The following RBMS3 variants were observed in gnomAD, a reference collection of about 807,000 sequenced individuals.
RBMS3 encodes RNA-binding motif, single-stranded-interacting protein 3.
In RBMS3, 27 loss-of-function variants were observed where a neutral mutation model predicts 66.8. The ratio of observed to expected loss-of-function variants is 0.40; its 90% CI spans 0.30 to 0.56. The LOEUF is 0.56. Among genes scored for constraint, RBMS3 ranks in the 20% least tolerant of loss-of-function variants. The probability of loss-of-function intolerance (pLI) is 0.40; values close to 1 mark genes in which losing one functional copy is unlikely to be tolerated. For missense variants in RBMS3, 513 were observed against 549.5 expected (o/e 0.93, Z 0.66); for synonymous variants, 188 against 183.0 (o/e 1.03, Z -0.22).
chr3:29,851,812 C>T (rs1576993997), intron 6 of RBMS3, among the ~76,000 whole-genome samples: 1 of 152,102 alleles, frequency 6.6e-6, no homozygotes, highest in African/African-American at 2.4e-5. Context: ...CTGTGAGGAA[C>T]AGAACTAGAA....
At chr3:29,555,307 C>A (rs1465227840) in intron 3 of RBMS3, among the ~76,000 whole-genome samples, 1 of 152,154 alleles carries the variant, frequency 6.6e-6, no homozygotes, top group Non-Finnish European at 1.5e-5. Context: ...AAGTCCTTCA[C>A]TATGTGACAT....
chr3:29,284,856 AT>A (rs1156446161), intron 1 of RBMS3, among the ~76,000 whole-genome samples: 1 of 65,178 alleles, frequency 1.5e-5, no homozygotes, highest in Admixed American at 1.8e-4. Context: ...TTTTTGATGA[AT>A]TTTTCTTTTT....
intron 12 of RBMS3, among the ~76,000 whole-genome samples, chr3:29,985,876 A>T (rs1698352849): frequency 6.6e-6 from 1 of 152,204 alleles, no homozygotes; most frequent in African/African-American, 2.4e-5. Context: ...AAATAATGGA[A>T]TAGATACTCA....
chr3:29,456,161 T>G (rs1362912173), intron 2 of RBMS3, among the ~76,000 whole-genome samples: 2 of 152,224 alleles, frequency 1.3e-5, no homozygotes, highest in African/African-American at 4.8e-5. Context: ...GAAATAGGCT[T>G]AGTTTCTGTG....
chr3:29,505,517 T>G (rs1202493503), intron 3 of RBMS3, among the ~76,000 whole-genome samples: 6 of 118,368 alleles, frequency 5.1e-5, no homozygotes, highest in African/African-American at 2.0e-4. Context: ...TTTTTTTTTT[T>G]TGTTGTTTGT....
chr3:29,930,084 T>TACTTTGTG (rs2061068905), intron 10 of RBMS3, among the ~76,000 whole-genome samples: 1 of 148,380 alleles, frequency 6.7e-6, no homozygotes, highest in Non-Finnish European at 1.5e-5. Flanking sequence ...TGTAGATGAA[T>TACTTTGTG]ACTTTGTGTC....
chr3:29,345,786 C>A (rs13090916), intron 1 of RBMS3, among the ~76,000 whole-genome samples: 2 of 151,860 alleles, frequency 1.3e-5, no homozygotes, highest in African/African-American at 4.8e-5. Flanking sequence ...ATTGAAGTCC[C>A]GACACAGATG....
intron 1 of RBMS3, among the ~76,000 whole-genome samples, chr3:29,332,202 C>T (rs1381904040): frequency 6.6e-6 from 1 of 152,120 alleles, no homozygotes; most frequent in Non-Finnish European, 1.5e-5. Context: ...AAATTTAATA[C>T]ATTTTCTATC....
chr3:29,962,793 A>G (rs1577260567), intron 12 of RBMS3, among the ~76,000 whole-genome samples: 1 of 152,058 alleles, frequency 6.6e-6, no homozygotes, highest in South Asian at 2.1e-4. Flanking sequence ...AAATCTCTCA[A>G]CTGAGGCCCA....
chr3:29,440,018 C>G (rs2041556111), intron 2 of RBMS3, among the ~76,000 whole-genome samples: 1 of 152,042 alleles, frequency 6.6e-6, no homozygotes, highest in Non-Finnish European at 1.5e-5. Flanking sequence ...AGCATTGTAA[C>G]TTTTTTGAGC....
chr3:29,378,881 T>A (rs1342068096), intron 1 of RBMS3, among the ~76,000 whole-genome samples: 1 of 152,206 alleles, frequency 6.6e-6, no homozygotes, highest in African/African-American at 2.4e-5. Context: ...CATATGGGAA[T>A]ATACTTAATT....
At chr3:29,591,830 T>C (rs2047749344) in intron 4 of RBMS3, among the ~76,000 whole-genome samples, 1 of 152,146 alleles carries the variant, frequency 6.6e-6, no homozygotes, top group Non-Finnish European at 1.5e-5. Flanking sequence ...TCACTCCCTC[T>C]CAGGGCCTTC....
intron 7 of RBMS3, among the ~76,000 whole-genome samples, chr3:29,877,783 AG>A (rs1332216738): frequency 6.6e-6 from 1 of 152,168 alleles, no homozygotes; most frequent in South Asian, 2.1e-4. Context: ...ACTCTTATGA[AG>A]GTCAGAAGGT....
chr3:29,791,544 T>C (rs920591950), intron 6 of RBMS3, among the ~76,000 whole-genome samples: 6 of 152,216 alleles, frequency 3.9e-5, no homozygotes, highest in African/African-American at 1.4e-4. Flanking sequence ...TTTTGAAAGA[T>C]GGCTTTGAAC....
At chr3:29,626,372 A>G (rs542558618) in intron 4 of RBMS3, among the ~76,000 whole-genome samples, 1 of 152,338 alleles carries the variant, frequency 6.6e-6, no homozygotes, top group East Asian at 1.9e-4. Context: ...GATTGAAAGT[A>G]AAAGCCTATG....
intron 14 of RBMS3, among the ~76,000 whole-genome samples, chr3:29,993,328 T>C (rs564928601): frequency 4.7e-5 from 7 of 149,950 alleles, no homozygotes; most frequent in South Asian, 2.1e-4. Context: ...GGTCAACGGG[T>C]TATATGTGGG....
In RBMS3 at chr3:29,963,857, G is replaced by T. The variant is rs375854974; in HGVS notation, c.1098+19603G>T. Among the ~76,000 whole-genome samples the T allele has an allele frequency of 1.1e-4, 16 of 149,556 alleles. No individual in the cohort carries two copies. The East Asian group carries it at 1.8e-3, about 16-fold the overall frequency. On this transcript the variant is annotated intron_variant, in intron 12 of 14. Transcript: ENST00000383767. ...AAAAAAAAAAAAAAGTGTATTAAAG[G>T]CTGAGTACATAAAGGAAGAAAATGG...
chr3:29,630,884 T>C (rs376465657), intron 4 of RBMS3, among the ~76,000 whole-genome samples: 2 of 151,970 alleles, frequency 1.3e-5, no homozygotes, highest in African/African-American at 4.8e-5. Context: ...ATGGGAATAT[T>C]AGAATTTGGT....
chr3:29,854,643 G>T (rs2059026247), intron 6 of RBMS3, among the ~76,000 whole-genome samples: 1 of 81,878 alleles, frequency 1.2e-5, no homozygotes, highest in African/African-American at 3.8e-5. Flanking sequence ...AATCCAAAAT[G>T]GAAAAAGTAA....
Sources: gnomAD v4.1 joint callset for allele counts (sites outside exome capture counted in the v4.1 genomes callset) on GRCh38, gnomAD v4.1.1 for gene constraint, MANE v1.5 for transcripts, NCBI Gene and HGNC (gene_info 2026-07-23, HGNC 2026-07-21) for gene names.